SETD1B: variants seen among roughly 807,000 people sequenced by gnomAD.
SETD1B encodes the protein SET domain containing 1B, histone lysine methyltransferase, also known as histone-lysine N-methyltransferase SETD1B.
Under a neutral mutation model 148.0 loss-of-function variants are expected in SETD1B, and 7 were observed. The ratio of observed to expected loss-of-function variants is 0.05; its 90% CI spans 0.03 to 0.09. SETD1B has a LOEUF of 0.09. SETD1B is among the 10% of genes least tolerant of loss of function. The pLI, the probability that SETD1B is intolerant of heterozygous loss-of-function variation, is 1.00. For missense variants in SETD1B, 2,155 were observed against 2,729.9 expected (o/e 0.79, Z 4.69); for synonymous variants, 1,361 against 1,186.5 (o/e 1.15, Z -3.02).
At chr12:121,799,736 T>TGGGGGGGGG (rs1459030938), upstream of SETD1B, 52 of 30,940 alleles carry the variant, frequency 1.7e-3, 1 homozygote, top group East Asian at 3.2e-3. Context: ...GGGGGTGGGG[T>TGGGGGGGGG]GGGGCGGGGC....
intron 12 of SETD1B, 107 bp from the exon 13 acceptor site, chr12:121,825,093 T>C: frequency 1.7e-6 from 2 of 1,189,722 alleles, no homozygotes; most frequent in Non-Finnish European, 2.3e-6. Flanking sequence ...GCAGTAGAAC[T>C]GGACATCGCT....
Position 121,805,285 on chromosome 12 carries a change from T to A in SETD1B, c.273+69T>A. 1.6e-6 allele frequency: 2 copies of A among 1,247,694 alleles called. No homozygotes were observed. Among genetic ancestry groups the A allele is most frequent in the Non-Finnish European group, 2.2e-6 (2 of 895,772 alleles). 77.3% of individuals were successfully genotyped at this position (1,247,694 alleles called of 1,614,324 possible). On this transcript the variant is annotated intron_variant, in intron 3 of 16. Coordinates refer to ENST00000604567, the MANE Select transcript of SETD1B (RefSeq NM_001353345.2). This position sits in a 1 kb window ranked among gnomAD's most constrained non-coding sequence, Gnocchi z 4.2. ...CCGAGTTCGAAAATAACGCCAGTCC[T>A]GACCGAGCCCAGCCGGATTCCCAGT...
chr12:121,806,644 C>CA (rs1479870778), intron 4 of SETD1B, among the ~76,000 whole-genome samples: 1 of 152,170 alleles, frequency 6.6e-6, no homozygotes, highest in Admixed American at 6.5e-5. Context: ...ATAAGGTTCT[C>CA]GACAGAGCCG....
intron 7 of SETD1B, 85 bp downstream of exon 7, chr12:121,815,015 G>T: frequency 7.8e-7 from 1 of 1,279,696 alleles, no homozygotes; most frequent in East Asian, 2.6e-5. Context: ...CCCTGAGACT[G>T]TTAACTGGAA....
At chr12:121,826,558 C>G (rs139206041) in intron 13 of SETD1B, among the ~76,000 whole-genome samples, 1,650 of 152,252 alleles carry the variant, frequency 0.011, 9 homozygotes, top group Non-Finnish European at 0.015. Flanking sequence ...GTGGGAGAGA[C>G]AGCACAGGCC....
chr12:121,823,767 G>GACCACC lies in SETD1B; in HGVS notation c.5170+18_5170+19insACCACC. ...CCATCCCTATATCCTGCTGGCATGG[G>GACCACC]GGGCTCTGCACCTTCTGGGATGCAG... is the stretch of plus-strand genomic sequence containing the variant. On this transcript the variant is annotated intron_variant, in intron 12 of 16. Coordinates refer to ENST00000604567, the MANE Select transcript of SETD1B (RefSeq NM_001353345.2). 6.5e-7 allele frequency: 1 copy of GACCACC among 1,532,684 alleles called. No individual in the cohort carries two copies. Among genetic ancestry groups the GACCACC allele is most frequent in the Admixed American group, 2.0e-5 (1 of 50,566 alleles). The allele number at this position is 1,532,684 out of a possible 1,614,324, so 94.9% of individuals were successfully genotyped here. A position where few individuals can be genotyped will look rare whatever the true frequency, so the allele number is the denominator to read the frequency against.
At chr12:121,797,899 G>A in the SETD1B span, 1 of 328,174 alleles carries the variant, frequency 3.0e-6, no homozygotes, top group Admixed American at 4.3e-5. Context: ...GCTGTACTTG[G>A]GCAGCGGGGA....
chr12:121,794,222 T>C, the SETD1B span: 1 of 152,550 alleles, frequency 6.6e-6, no homozygotes, highest in Non-Finnish European at 1.5e-5. Context: ...GCGAGAGTCA[T>C]GTCTGCCCAC....
the SETD1B span, chr12:121,793,379 G>A: frequency 6.9e-6 from 10 of 1,447,776 alleles, no homozygotes; most frequent in South Asian, 8.6e-5. Context: ...CCGAGGGGGC[G>A]CCCCGGGGTG....
intron 12 of SETD1B, among the ~76,000 whole-genome samples, chr12:121,824,497 A>G (rs755141474): frequency 1.3e-5 from 2 of 152,116 alleles, no homozygotes; most frequent in African/African-American, 2.4e-5. Flanking sequence ...AAATACAAAA[A>G]TTAGCCGGGT....
intron 10 of SETD1B, among the ~76,000 whole-genome samples, chr12:121,818,674 A>T (rs903807080): frequency 1.4e-4 from 21 of 148,996 alleles, no homozygotes; most frequent in African/African-American, 5.2e-4. Flanking sequence ...GTGGATCACG[A>T]GGTCAACAGA....
intron 6 of SETD1B, among the ~76,000 whole-genome samples, chr12:121,812,310 A>C (rs1876073850): frequency 6.6e-6 from 1 of 152,214 alleles, no homozygotes; most frequent in Admixed American, 6.5e-5. Flanking sequence ...TTAAAAGTTC[A>C]GGCTCAAGTT....
At chr12:121,814,033 C>G (rs1876161028) in intron 6 of SETD1B, 73 bp from the exon 7 acceptor site, 1 of 1,259,760 alleles carries the variant, frequency 7.9e-7, no homozygotes, top group Non-Finnish European at 1.1e-6. Flanking sequence ...GATTGCTAGT[C>G]TTGCAGAGGG....
chr12:121,818,905 A>AAT (rs1162791852), intron 10 of SETD1B, among the ~76,000 whole-genome samples: 1 of 151,330 alleles, frequency 6.6e-6, no homozygotes, highest in Non-Finnish European at 1.5e-5. Flanking sequence ...AAAAAAAAAA[A>AAT]AGTGAGCAGT....
In SETD1B at chr12:121,814,750, T is replaced by C. The variant is rs1014645311; in HGVS notation, c.2535T>C (p.Pro845=). Reference sequence around the variant, plus strand: ...TGCCCAAGTTTGACCCGTCAGTGCCTCCACCAGGCTACATGCCACGCCAGG... The same window carrying C: ...TGCCCAAGTTTGACCCGTCAGTGCCCCCACCAGGCTACATGCCACGCCAGG... ...PPLPKFDPSV[P]PPGYMPRQED... Residue 845 remains proline (P), a synonymous_variant, in exon 7 of 17, where the codon CCT becomes CCC. Transcript: ENST00000604567. The C allele has an allele frequency of 5.8e-6, 9 of 1,551,124 alleles. No individual in the cohort carries two copies. The highest frequency in any genetic ancestry group is 5.2e-6 in the Non-Finnish European group (6 of 1,146,978).
intron 5 of SETD1B, among the ~76,000 whole-genome samples, chr12:121,809,051 G>T (rs562816455): frequency 2.6e-5 from 4 of 152,150 alleles, no homozygotes; most frequent in Admixed American, 1.3e-4. Context: ...TATATTTTTG[G>T]TTAGTAGAGG....
At chr12:121,811,671 G>A (rs1340829612) in intron 6 of SETD1B, among the ~76,000 whole-genome samples, 5 of 152,180 alleles carry the variant, frequency 3.3e-5, no homozygotes, top group Non-Finnish European at 5.9e-5. Context: ...GTCCCGGTGG[G>A]CATGGGCAGT....
rs2137598604 is a variant in SETD1B at position 121,832,202 on chromosome 12, A to G, written c.*1963A>G. 1 of 152,284 alleles carries G rather than the reference A, an allele frequency of 6.6e-6. No individual in the cohort carries two copies. The highest frequency in any genetic ancestry group is 2.1e-4 in the South Asian group (1 of 4,842). The allele number at this position is 152,284 out of a possible 1,614,324, so 9.4% of individuals were successfully genotyped here. On this transcript the variant is annotated 3_prime_UTR_variant, in exon 17 of 17. Transcript: ENST00000604567. The stretch of plus-strand genomic sequence containing the variant: ...GGTGTTCGAGAAGACCAGGGAAGGG[A>G]CCCTTGCCTCACCCCTCCCCCTGGC...
Position 121,809,742 on chromosome 12 carries a change from C to T in SETD1B, c.797C>T (p.Pro266Leu), listed in dbSNP as rs1325358851. The T allele has an allele frequency of 2.6e-6, 4 of 1,551,606 alleles. No individual in the cohort carries two copies. ...TATTCCAGCTGCCGCCTGGACACAC[C>T]CAACTCCTATGGACAGGGCACCCCG... ...TAYSSCRLDT[P>L]NSYGQGTPLT... Residue 266 changes from proline to leucine, a missense_variant, in exon 6 of 17, where the codon CCC becomes CTC. Transcript: ENST00000604567.
Sources: gnomAD v4.1 joint callset for allele counts (sites outside exome capture counted in the v4.1 genomes callset) on GRCh38, gnomAD v4.1.1 for gene constraint, Gnocchi (gnomAD v3.1) non-coding constraint, MANE v1.5 for transcripts, NCBI Gene and HGNC (gene_info 2026-07-23, HGNC 2026-07-21) for gene names.